The following NTM variants were observed in gnomAD, a reference collection of about 807,000 sequenced individuals.
NTM encodes the protein neurotrimin, also known as IgLON family member 2.
A neutral mutation model predicts 42.1 loss-of-function variants in NTM; 13 were observed. The ratio of observed to expected loss-of-function variants is 0.31; its 90% confidence interval spans 0.20 to 0.49. The LOEUF (loss-of-function observed/expected upper bound fraction) is 0.49, where lower values mean the gene tolerates loss of function less well. Ranked by LOEUF, NTM falls within the 20% of genes least tolerant of loss-of-function variation. The probability of loss-of-function intolerance (pLI) is 0.99; values close to 1 mark genes in which losing one functional copy is unlikely to be tolerated. For missense variants in NTM, 373 were observed against 452.8 expected (o/e 0.82, Z 1.60); for synonymous variants, 187 against 179.2 (o/e 1.04, Z -0.35).
chr11:132,164,051 T>A (rs181030096), intron 3 of NTM, among the ~76,000 whole-genome samples: 6 of 152,324 alleles, frequency 3.9e-5, no homozygotes, highest in Admixed American at 3.3e-4. Context: ...CTAACCCAGA[T>A]CTCCCATCTC....
At chr11:132,087,778 G>T (rs1384313282) in intron 2 of NTM, among the ~76,000 whole-genome samples, 1 of 152,172 alleles carries the variant, frequency 6.6e-6, no homozygotes, top group Non-Finnish European at 1.5e-5. Context: ...CCTGGGGGAA[G>T]AACCTTTTGT....
At chr11:132,048,948 G>C (rs1167325020) in intron 2 of NTM, among the ~76,000 whole-genome samples, 2 of 151,808 alleles carry the variant, frequency 1.3e-5, no homozygotes, top group East Asian at 3.9e-4. Flanking sequence ...GAGATTCAAG[G>C]CTGACTGACC....
At position 131,911,624 on chromosome 11, in the gene NTM, G is replaced by C. The variant is rs750771964; in HGVS notation, c.143G>C (p.Arg48Pro). The C allele has an allele frequency of 6.2e-7, 1 of 1,614,180 alleles. No individual in the cohort carries two copies. The highest frequency in any genetic ancestry group is 8.5e-7 in the Non-Finnish European group (1 of 1,180,018). ...AAAGCTATGGACAACGTGACGGTCC[G>C]GCAGGGGGAGAGCGCCACCCTCAGG... ...FPKAMDNVTV[R>P]QGESATLRCT... Residue 48 changes from arginine (R) to proline (P), a missense_variant, in exon 2 of 9, where the codon CGG becomes CCG. Coordinates refer to ENST00000683400, the MANE Select transcript of NTM (RefSeq NM_001352005.2).
chr11:132,217,862 C>T (rs1294226528), intron 4 of NTM, among the ~76,000 whole-genome samples: 1 of 152,106 alleles, frequency 6.6e-6, no homozygotes, highest in Non-Finnish European at 1.5e-5. Context: ...TGCTCCCCCT[C>T]CCCTTCCCCA....
chr11:132,067,480 C>T (rs1176363094), intron 2 of NTM, among the ~76,000 whole-genome samples: 1 of 152,170 alleles, frequency 6.6e-6, no homozygotes, highest in East Asian at 1.9e-4. Context: ...ATATGATCCA[C>T]CCCAAGGTAA....
At chr11:131,930,468 A>G (rs2058473415) in intron 2 of NTM, among the ~76,000 whole-genome samples, 1 of 152,228 alleles carries the variant, frequency 6.6e-6, no homozygotes, top group Non-Finnish European at 1.5e-5. Context: ...AGGGAGCCGA[A>G]TGCATATTAT....
intron 1 of NTM, among the ~76,000 whole-genome samples, chr11:131,479,062 A>T (rs552730697): frequency 1.3e-5 from 2 of 152,334 alleles, no homozygotes; most frequent in East Asian, 3.9e-4. Context: ...AGCCTTGTTT[A>T]TGAGCATTCT....
intron 1 of NTM, chr11:131,538,152 T>C (rs1013254032): frequency 8.5e-5 from 13 of 152,200 alleles, no homozygotes; most frequent in African/African-American, 2.7e-4. Flanking sequence ...CTTTCTTCAT[T>C]TGAAATTTTA....
intron 1 of NTM, among the ~76,000 whole-genome samples, chr11:131,688,886 C>T (rs1423583922): frequency 1.3e-5 from 2 of 152,182 alleles, no homozygotes; most frequent in Non-Finnish European, 2.9e-5. Flanking sequence ...ATGGTGTCAC[C>T]CCTGCTCAGA....
intron 4 of NTM, among the ~76,000 whole-genome samples, chr11:132,222,120 C>A (rs553575521): frequency 6.6e-6 from 1 of 152,312 alleles, no homozygotes; most frequent in East Asian, 1.9e-4. Context: ...CCCTCCCCAG[C>A]AACCTCAGGC....
chr11:132,111,460 A>G (rs144153674), intron 2 of NTM, among the ~76,000 whole-genome samples: 2 of 152,308 alleles, frequency 1.3e-5, no homozygotes, highest in African/African-American at 2.4e-5. Context: ...ACTGTTTTTC[A>G]TAAGCCTTCA....
intron 7 of NTM, among the ~76,000 whole-genome samples, chr11:132,329,351 G>C (rs1047619178): frequency 1.3e-5 from 2 of 152,200 alleles, no homozygotes; most frequent in Non-Finnish European, 2.9e-5. Flanking sequence ...AGAAAAGGTG[G>C]AGAGACTCCA....
chr11:131,583,018 T>C (rs12788343), intron 1 of NTM, among the ~76,000 whole-genome samples: 48,838 of 152,158 alleles, frequency 0.32, 9,167 homozygotes, highest in East Asian at 0.45. Flanking sequence ...TTGGATCTTC[T>C]AGATGTTCCT....
rs184415727 is a variant in NTM at position 131,556,756 on chromosome 11, C to T, written c.82+185868C>T. Among the ~76,000 whole-genome samples the T allele has an allele frequency of 3.0e-3, 455 of 151,958 alleles. 3 individuals are homozygous for T. The highest frequency in any genetic ancestry group is 0.01 in the African/African-American group (415 of 41,458). On this transcript the variant is annotated intron_variant, in intron 1 of 8. Transcript: ENST00000683400. ...CTAATTTTTGTATTTTTAGTAGAGA[C>T]GGGTTTTCACCGTATTGGCCAACCT... is the stretch of plus-strand genomic sequence containing the variant.
At chr11:131,430,474 T>C (rs35659386) in intron 1 of NTM, among the ~76,000 whole-genome samples, 1 of 151,870 alleles carries the variant, frequency 6.6e-6, no homozygotes, top group African/African-American at 2.4e-5. Flanking sequence ...AGGTTCCAAG[T>C]CCATTAATAG....
At chr11:131,936,171 G>A (rs2059195541) in intron 2 of NTM, among the ~76,000 whole-genome samples, 1 of 152,166 alleles carries the variant, frequency 6.6e-6, no homozygotes. Flanking sequence ...ATTCAAGTGA[G>A]CCATATGTTT....
At chr11:131,791,563 G>T (rs1433151478) in intron 1 of NTM, among the ~76,000 whole-genome samples, 1 of 152,138 alleles carries the variant, frequency 6.6e-6, no homozygotes, top group Non-Finnish European at 1.5e-5. Flanking sequence ...GGCCCCTCAG[G>T]CTCCTTCACA....
intron 3 of NTM, among the ~76,000 whole-genome samples, chr11:132,154,457 A>G (rs1292678931): frequency 1.3e-5 from 2 of 152,224 alleles, no homozygotes; most frequent in Non-Finnish European, 2.9e-5. Flanking sequence ...TCAATTTTCA[A>G]AATCTCTCCA....
chr11:132,247,544 AG>A (rs1222868592), intron 4 of NTM, among the ~76,000 whole-genome samples: 1 of 152,186 alleles, frequency 6.6e-6, no homozygotes, highest in Non-Finnish European at 1.5e-5. Flanking sequence ...TAAATGAATA[AG>A]AAAAAAACAT....
Sources: gnomAD v4.1 joint callset for allele counts (sites outside exome capture counted in the v4.1 genomes callset) on GRCh38, gnomAD v4.1.1 for gene constraint, MANE v1.5 for transcripts, NCBI Gene and HGNC (gene_info 2026-07-23, HGNC 2026-07-21) for gene names.